The following TRANK1 variants were observed in gnomAD, a reference collection of about 807,000 sequenced individuals.
TRANK1 encodes the protein TPR and ankyrin repeat-containing protein 1.
In TRANK1, 198 loss-of-function variants were observed where a neutral mutation model predicts 266.0. The observed-to-expected ratio is 0.74, with a 90% confidence interval of 0.66 to 0.84. TRANK1 has a LOEUF of 0.84. Among genes scored for constraint, TRANK1 ranks in the 40% least tolerant of loss-of-function variants. The probability of loss-of-function intolerance (pLI) is 0.00; values close to 1 mark genes in which losing one functional copy is unlikely to be tolerated. For synonymous variants in TRANK1, 1,396 were observed against 1,384.1 expected (o/e 1.01, Z -0.19); for missense variants, 3,326 against 3,634.6 (o/e 0.92, Z 2.18).
At chr3:36,884,468 C>A (rs766023054) in intron 8 of TRANK1, among the ~76,000 whole-genome samples, 1 of 152,134 alleles carries the variant, frequency 6.6e-6, no homozygotes, top group South Asian at 2.1e-4. Flanking sequence ...AACACAGGAG[C>A]CAGTCTGAAG....
intron 1 of TRANK1, among the ~76,000 whole-genome samples, chr3:36,927,786 A>G (rs975596060): frequency 6.6e-6 from 1 of 152,230 alleles, no homozygotes; most frequent in South Asian, 2.1e-4. Flanking sequence ...TTTTCTACTC[A>G]GTGGAAATTT....
intron 4 of TRANK1, among the ~76,000 whole-genome samples, chr3:36,896,661 C>T (rs2079794800): frequency 6.6e-6 from 1 of 152,158 alleles, no homozygotes; most frequent in South Asian, 2.1e-4. Flanking sequence ...TTGGAATTCC[C>T]ATAACTCCGG....
chr3:36,905,935 G>A (rs1204847978), intron 2 of TRANK1, among the ~76,000 whole-genome samples: 1 of 152,200 alleles, frequency 6.6e-6, no homozygotes, highest in East Asian at 1.9e-4. Flanking sequence ...TGGGCAAGGG[G>A]AACAGTGTCA....
chr3:36,872,199 G>A (rs1443439006), intron 9 of TRANK1, among the ~76,000 whole-genome samples: 2 of 152,268 alleles, frequency 1.3e-5, no homozygotes, highest in South Asian at 2.1e-4. Flanking sequence ...TCAGGAGTTC[G>A]AGATCAGCCT....
At chr3:36,853,347 A>G (rs2079010240) in intron 13 of TRANK1, among the ~76,000 whole-genome samples, 1 of 152,196 alleles carries the variant, frequency 6.6e-6, no homozygotes, top group Non-Finnish European at 1.5e-5. Context: ...ATAGAATACA[A>G]TGGTCTAGGT....
chr3:36,884,280 C>T (rs1473563256), intron 8 of TRANK1, among the ~76,000 whole-genome samples: 3 of 152,166 alleles, frequency 2.0e-5, no homozygotes, highest in African/African-American at 7.2e-5. Context: ...AATGACACTC[C>T]GCTTCGCAAT....
chr3:36,861,910 T>C (rs2079148342), intron 10 of TRANK1, among the ~76,000 whole-genome samples: 1 of 152,048 alleles, frequency 6.6e-6, no homozygotes, highest in South Asian at 2.1e-4. Flanking sequence ...TTTCACTATG[T>C]TAGCCAGGAT....
chr3:36,898,739 C>A (rs1431161903), intron 4 of TRANK1, among the ~76,000 whole-genome samples: 1 of 151,226 alleles, frequency 6.6e-6, no homozygotes, highest in East Asian at 2.0e-4. Context: ...TAATCCCAGC[C>A]GCTCGGGAGG....
At chr3:36,875,696 T>C (rs1174042295) in intron 8 of TRANK1, among the ~76,000 whole-genome samples, 1 of 152,182 alleles carries the variant, frequency 6.6e-6, no homozygotes, top group African/African-American at 2.4e-5. Flanking sequence ...CAAAGGACAA[T>C]TAAAACTAAC....
chr3:36,910,416 G>C (rs879393786), intron 1 of TRANK1, among the ~76,000 whole-genome samples: 2 of 152,114 alleles, frequency 1.3e-5, no homozygotes, highest in Admixed American at 6.5e-5. Flanking sequence ...TAGAAGATCC[G>C]TATGTTAGAA....
Position 36,889,918 on chromosome 3 carries a change from T to C in TRANK1, c.818A>G (p.Glu273Gly), listed in dbSNP as rs576929484. 3.8e-5 allele frequency: 58 copies of C among 1,537,122 alleles called. No homozygotes were observed. In the South Asian group the frequency reaches 6.7e-4, roughly 18 times the overall value. The stretch of plus-strand genomic sequence containing the variant: ...CTTCTGGTTAATGCGGCCTTTCCAC[T>C]CGGGCTTGTGATCCATTAACCACCG... ...LFRWLMDHKP[E>G]WKGRINQKDG... Residue 273 changes from glutamate to glycine, a missense_variant, in exon 8 of 24, where the codon GAG (glutamate) becomes GGG (glycine). Glu to Gly is a moderately conservative substitution (Grantham distance 98). Transcript: ENST00000645898.
intron 1 of TRANK1, among the ~76,000 whole-genome samples, chr3:36,939,503 C>A (rs1240684728): frequency 1.3e-5 from 2 of 152,116 alleles, no homozygotes; most frequent in African/African-American, 4.8e-5. Flanking sequence ...GGATCAAGTC[C>A]CACTGTTCTC....
At chr3:36,940,124 A>T (rs1013393526) in intron 1 of TRANK1, among the ~76,000 whole-genome samples, 6 of 151,488 alleles carry the variant, frequency 4.0e-5, no homozygotes, top group Admixed American at 3.9e-4. Flanking sequence ...ACCACAGGTG[A>T]TCTACCCGCC....
At chr3:36,865,004 G>T (rs774290807) in intron 9 of TRANK1, among the ~76,000 whole-genome samples, 1 of 150,912 alleles carries the variant, frequency 6.6e-6, no homozygotes, top group Non-Finnish European at 1.5e-5. Flanking sequence ...TTGGTTTTTG[G>T]GGGTTTTTTT....
At chr3:36,896,982 G>A (rs2079801154) in intron 4 of TRANK1, among the ~76,000 whole-genome samples, 1 of 150,392 alleles carries the variant, frequency 6.6e-6, no homozygotes, top group African/African-American at 2.5e-5. Flanking sequence ...CGAAAAGAGT[G>A]AAACTCCATC....
At chr3:36,860,709 T>C (rs1209605795) in intron 11 of TRANK1, among the ~76,000 whole-genome samples, 197 bp downstream of exon 11, 1 of 152,164 alleles carries the variant, frequency 6.6e-6, no homozygotes, top group Non-Finnish European at 1.5e-5. Context: ...TTCACAAAAA[T>C]GCAGAGATCC....
At chr3:36,899,290 G>C in intron 3 of TRANK1, 31 bp from the exon 4 acceptor site, 1 of 1,532,584 alleles carries the variant, frequency 6.5e-7, no homozygotes, top group East Asian at 2.4e-5. Context: ...AAACTGTCAT[G>C]TACCACATCT....
rs541656538 is a variant in TRANK1 at position 36,833,485 on chromosome 3, T to C, written c.6098A>G (p.His2033Arg). The C allele has an allele frequency of 3.1e-6, 5 of 1,613,952 alleles. No homozygotes were observed. In the African/African-American group the frequency reaches 6.7e-5, roughly 22 times the overall value. ...TCTCAGGATTACCCCTTGCAGGAAG[T>C]GGGCCTCCGCAATGCCAGACAACTG... The part of the protein sequence containing the change: ...TGQLSGIAEA[H>R]FLQGVILRDF... Residue 2033 changes from histidine to arginine, a missense_variant, in exon 22 of 24, where the codon CAC becomes CGC. Coordinates refer to ENST00000645898, the MANE Select transcript of TRANK1 (RefSeq NM_001329998.2).
At position 36,847,236 on chromosome 3, in the gene TRANK1, C is replaced by G. The variant is rs748015193; in HGVS notation, c.4998G>C (p.Gln1666His). The G allele has an allele frequency of 6.2e-7, 1 of 1,613,458 alleles. No homozygotes were observed. The highest frequency in any genetic ancestry group is 2.2e-5 in the East Asian group (1 of 44,874). The change falls in exon 16 of 24, where the codon CAG (glutamine) becomes CAC (histidine). Residue 1666 changes from glutamine (Q) to histidine (H), a missense_variant. Coordinates refer to ENST00000645898, the MANE Select transcript of TRANK1 (RefSeq NM_001329998.2). The part of the protein sequence containing the change: ...EVPLDKPGSS[Q>H]GRSLMVNPEM... The stretch of plus-strand genomic sequence containing the variant: ...CTGGATTCACCATGAGAGATCGACC[C>G]TGAGAAGAGCCTGGTTTGTCCAGGG...
Sources: gnomAD v4.1 joint callset for allele counts (sites outside exome capture counted in the v4.1 genomes callset) on GRCh38, gnomAD v4.1.1 for gene constraint, MANE v1.5 for transcripts, NCBI Gene and HGNC (gene_info 2026-07-23, HGNC 2026-07-21) for gene names.